Variants in PRRC2B observed in about 807,000 individuals in gnomAD.
PRRC2B encodes the protein protein PRRC2B.
PRRC2B carries 68 observed loss-of-function variants against 242.3 expected under a neutral mutation model. The ratio of observed to expected loss-of-function variants is 0.28; its 90% CI spans 0.23 to 0.34. The LOEUF (loss-of-function observed/expected upper bound fraction) is 0.34. PRRC2B is among the 10% of genes least tolerant of loss of function. The pLI is 1.00. For synonymous variants in PRRC2B, 1,228 were observed against 1,173.6 expected (o/e 1.05, Z -0.95); for missense variants, 2,835 against 2,954.8 (o/e 0.96, Z 0.94).
chr9:131,437,720 A>G (rs1838420978), intron 4 of PRRC2B, among the ~76,000 whole-genome samples: 1 of 152,228 alleles, frequency 6.6e-6, no homozygotes, highest in Non-Finnish European at 1.5e-5. Flanking sequence ...AATTAAAGAC[A>G]AGAAAAGAGG....
At chr9:131,432,853 C>T in intron 3 of PRRC2B, 59 bp downstream of exon 3, 1 of 1,575,902 alleles carries the variant, frequency 6.3e-7, no homozygotes, top group Non-Finnish European at 8.7e-7. Flanking sequence ...GTCCCGGCAT[C>T]CTTCCCTGTG....
chr9:131,448,718 C>G lies in PRRC2B; in HGVS notation c.1120+914C>G, dbSNP rs115510258. 2.6e-3 allele frequency among the ~76,000 whole-genome samples: 391 copies of G among 151,862 alleles called. 1 individual carries two copies. The highest frequency in any genetic ancestry group is 9.1e-3 in the African/African-American group (376 of 41,416). Reference sequence around the variant, plus strand: ...CTACACGCGGGTGCCACAAACCCAGCTTGTTCTGCCATTCTTATTCGTTTA... The same window carrying G: ...CTACACGCGGGTGCCACAAACCCAGGTTGTTCTGCCATTCTTATTCGTTTA... On this transcript the variant is annotated intron_variant, in intron 9 of 31. Coordinates refer to ENST00000683519, the MANE Select transcript of PRRC2B (RefSeq NM_013318.4).
Position 131,470,877 on chromosome 9 carries a change from G to A in PRRC2B, c.2001G>A (p.Met667Ile). Reference sequence around the variant, plus strand: ...CCTTTTACCCACACCACCCCCAGATGTTGGGCTTCGATCCCAGGTGGATGA... The same window carrying A: ...CCTTTTACCCACACCACCCCCAGATATTGGGCTTCGATCCCAGGTGGATGA... ...QRTFYPHHPQ[M>I]LGFDPRWMMM... Residue 667 changes from methionine (M) to isoleucine (I), a missense_variant, in exon 14 of 32, where the codon ATG (methionine) becomes ATA (isoleucine). By Grantham distance (10) the Met-to-Ile change is conservative (BLOSUM62 1). This residue lies in a region of PRRC2B where 1,536 missense variants were observed against 1,483.1 expected (regional missense o/e 1.04). Coordinates refer to ENST00000683519, the MANE Select transcript of PRRC2B (RefSeq NM_013318.4). 2 of 1,604,374 alleles carry A rather than the reference G, an allele frequency of 1.2e-6. No individual in the cohort carries two copies. The highest frequency in any genetic ancestry group is 1.7e-6 in the Non-Finnish European group (2 of 1,172,972).
chr9:131,378,813 T>C (rs1239311541), intron 1 of PRRC2B, among the ~76,000 whole-genome samples: 1 of 152,206 alleles, frequency 6.6e-6, no homozygotes, highest in South Asian at 2.1e-4. Flanking sequence ...CTGCCTCCCA[T>C]GTTTAAGTGA....
intron 5 of PRRC2B, 99 bp from the exon 6 acceptor site, chr9:131,444,086 C>T: frequency 7.1e-7 from 1 of 1,399,536 alleles, no homozygotes; most frequent in Non-Finnish European, 9.9e-7. Context: ...CTTCAAAAGC[C>T]CACTTCCAGG....
At position 131,475,808 on chromosome 9, in the gene PRRC2B, T is replaced by C; in HGVS notation, c.3679T>C (p.Trp1227Arg). 6.2e-7 allele frequency: 1 copy of C among 1,612,866 alleles called. No individual in the cohort carries two copies. The highest frequency in any genetic ancestry group is 2.2e-5 in the East Asian group (1 of 44,838). ...CTTCGTCTCCAAAGAGTCACCCCACTGGCAGAGCAAAAGTCCAGGCAGCTC... is the reference window on the plus strand; with the variant it reads ...CTTCGTCTCCAAAGAGTCACCCCACCGGCAGAGCAAAAGTCCAGGCAGCTC... ...RTFVSKESPH[W>R]QSKSPGSSWQ... The change falls in exon 16 of 32, where the codon TGG becomes CGG. Residue 1227 changes from tryptophan to arginine, a missense_variant. This residue lies in a region of PRRC2B where 1,536 missense variants were observed against 1,483.1 expected (regional missense o/e 1.04). Transcript: ENST00000683519.
At chr9:131,414,833 G>T (rs1837603102) in intron 1 of PRRC2B, among the ~76,000 whole-genome samples, 1 of 151,952 alleles carries the variant, frequency 6.6e-6, no homozygotes, top group African/African-American at 2.4e-5. Context: ...GCCTCCCAAA[G>T]TGCTGGGATT....
chr9:131,414,666 G>C (rs950025542), intron 1 of PRRC2B, among the ~76,000 whole-genome samples: 7 of 151,346 alleles, frequency 4.6e-5, no homozygotes, highest in Non-Finnish European at 1.0e-4. Flanking sequence ...TACCTCCCGG[G>C]TTCAAGTGAT....
intron 2 of PRRC2B, 49 bp downstream of exon 2, chr9:131,430,308 A>T (rs1428278880): frequency 8.4e-7 from 1 of 1,185,842 alleles, no homozygotes; most frequent in Non-Finnish European, 1.2e-6. Context: ...TCCGAGTGAC[A>T]TATCCCAGAA....
chr9:131,456,303 C>G (rs1340709423), intron 10 of PRRC2B, among the ~76,000 whole-genome samples: 2 of 150,028 alleles, frequency 1.3e-5, no homozygotes, highest in Non-Finnish European at 3.0e-5. Flanking sequence ...TCTCATCCCT[C>G]TAGTTTTTAT....
At position 131,473,685 on chromosome 9, in the gene PRRC2B, C is replaced by T. The variant is rs749972307; in HGVS notation, c.2285C>T (p.Pro762Leu). The T allele has an allele frequency of 3.3e-5, 54 of 1,613,622 alleles. No individual in the cohort carries two copies. Among genetic ancestry groups the T allele is most frequent in the East Asian group, 3.1e-4 (14 of 44,874 alleles). The change falls in exon 15 of 32, where the codon CCG (proline) becomes CTG (leucine). Residue 762 changes from proline (P) to leucine (L), a missense_variant. Coordinates refer to ENST00000683519, the MANE Select transcript of PRRC2B (RefSeq NM_013318.4). ...AGCAAGGGCTACCCGCTCCCGCACC[C>T]GAAGTCGAGTGACACCTTGGCTATG... Reference protein sequence around the residue: ...LQSKGYPLPHPKSSDTLAMDM... With the variant: ...LQSKGYPLPHLKSSDTLAMDM...
intron 31 of PRRC2B, among the ~76,000 whole-genome samples, chr9:131,495,063 C>G (rs1447633197): frequency 6.6e-6 from 1 of 152,076 alleles, no homozygotes. Context: ...GAAGTGATTG[C>G]TCTCATTGGT....
intron 1 of PRRC2B, among the ~76,000 whole-genome samples, chr9:131,420,486 T>G (rs866152466): frequency 0.028 from 506 of 18,286 alleles, 48 homozygotes; most frequent in African/African-American, 0.055. Flanking sequence ...TCTTTCTTTC[T>G]TTCTTTCTTT....
intron 10 of PRRC2B, among the ~76,000 whole-genome samples, chr9:131,455,716 C>T (rs979661376): frequency 2.6e-5 from 4 of 151,910 alleles, no homozygotes; most frequent in African/African-American, 4.8e-5. Flanking sequence ...GGGTTTGCCA[C>T]GTTACCCAGG....
chr9:131,448,913 A>G (rs1564287450), intron 9 of PRRC2B, among the ~76,000 whole-genome samples: 1 of 152,086 alleles, frequency 6.6e-6, no homozygotes, highest in Non-Finnish European at 1.5e-5. Context: ...AAGAGGGAAC[A>G]TTTCCCTCAC....
chr9:131,487,400 CAG>C lies in PRRC2B; in HGVS notation c.5984+107_5984+108del. 48 of 880,526 alleles carry C rather than the reference CAG, an allele frequency of 5.5e-5. No homozygotes were observed. Among genetic ancestry groups the C allele is most frequent in the Non-Finnish European group, 6.6e-5 (40 of 602,244 alleles). The allele number at this position is 880,526 out of a possible 1,614,324, so 54.5% of individuals were successfully genotyped here. A position where few individuals can be genotyped will look rare whatever the true frequency, so the allele number is the denominator to read the frequency against. ...GTTTGGTGCTTGTCTGCTTTGGGGC[CAG>C]TGGGGCGGGGAGGGGTGGGAGTTTG... On this transcript the variant is annotated intron_variant, in intron 27 of 31. Transcript: ENST00000683519. The surrounding 1 kb of genome is among the most constrained non-coding windows in gnomAD (Gnocchi z 5.3).
At chr9:131,452,902 G>C (rs1232352149) in intron 9 of PRRC2B, among the ~76,000 whole-genome samples, 2 of 151,946 alleles carry the variant, frequency 1.3e-5, no homozygotes, top group African/African-American at 2.4e-5. Context: ...ATATTCTACA[G>C]TTGTTGTTCA....
intron 4 of PRRC2B, among the ~76,000 whole-genome samples, chr9:131,438,726 G>C (rs28547340): frequency 5.1e-4 from 77 of 152,314 alleles, no homozygotes; most frequent in African/African-American, 1.7e-3. Flanking sequence ...CACTGTCTGT[G>C]TGACTTGAAG....
chr9:131,480,245 T>C (rs1358719313), intron 19 of PRRC2B, among the ~76,000 whole-genome samples: 2 of 152,220 alleles, frequency 1.3e-5, no homozygotes, highest in African/African-American at 4.8e-5. Context: ...CCTTGATTCT[T>C]TCACTGTTTC....
Sources: gnomAD v4.1 joint callset for allele counts (sites outside exome capture counted in the v4.1 genomes callset) on GRCh38, gnomAD v4.1.1 for gene constraint, gnomAD v4.1.1 regional missense constraint, Gnocchi (gnomAD v3.1) non-coding constraint, MANE v1.5 for transcripts, NCBI Gene and HGNC (gene_info 2026-07-23, HGNC 2026-07-21) for gene names.